SLC30A8: variants seen among roughly 807,000 people sequenced by gnomAD.
SLC30A8 encodes solute carrier family 30 member 8.
Under a neutral mutation model 36.9 loss-of-function variants are expected in SLC30A8, and 27 were observed. That is an observed-to-expected ratio of 0.73 (90% CI 0.54 to 1.01). SLC30A8 has a LOEUF of 1.01. Among genes scored for constraint, SLC30A8 ranks in the 50% least tolerant of loss-of-function variants. The pLI, the probability that SLC30A8 is intolerant of heterozygous loss-of-function variation, is 0.00. For missense variants in SLC30A8, 439 were observed against 452.0 expected, an observed-to-expected ratio of 0.97 and a Z score of 0.26; for synonymous variants, 164 against 172.4, an observed-to-expected ratio of 0.95 and a Z score of 0.38.
intron 1 of SLC30A8, among the ~76,000 whole-genome samples, chr8:116,958,616 A>G (rs1356626828): frequency 6.6e-6 from 1 of 151,702 alleles, no homozygotes; most frequent in Non-Finnish European, 1.5e-5. Flanking sequence ...ACTGGTCTTT[A>G]GCAATTTGAT....
intron 1 of SLC30A8, among the ~76,000 whole-genome samples, chr8:117,030,501 C>T (rs1299677116): frequency 6.6e-6 from 1 of 152,116 alleles, no homozygotes; most frequent in Admixed American, 6.5e-5. Context: ...CTAAGGCATG[C>T]TCAATGTCTG....
upstream of SLC30A8, among the ~76,000 whole-genome samples, chr8:117,131,715 A>AAAAC (rs201343852): frequency 9.2e-3 from 1,401 of 152,110 alleles, 22 homozygotes; most frequent in African/African-American, 0.032. Context: ...AGCAATAGCC[A>AAAAC]AAACATTTTA....
Position 117,157,714 on chromosome 8 carries a change from A to G in SLC30A8, c.442A>G (p.Ile148Val), listed in dbSNP as rs1822568943. The change falls in exon 4 of 8, where the codon ATC becomes GTC. Residue 148 changes from isoleucine (I) to valine (V), a missense_variant. Ile to Val is a conservative substitution (Grantham distance 29). Coordinates refer to ENST00000456015, the MANE Select transcript of SLC30A8 (RefSeq NM_173851.3). ...RAEILGALLS[I>V]LCIWVVTGVL... ...AGAGATCCTTGGTGCCCTGCTCTCC[A>G]TCCTGTGCATCTGGGTGGTGACTGG... is the stretch of plus-strand genomic sequence containing the variant. 6.2e-7 allele frequency: 1 copy of G among 1,613,590 alleles called. No individual in the cohort carries two copies. Among genetic ancestry groups the G allele is most frequent in the Non-Finnish European group, 8.5e-7 (1 of 1,179,870 alleles).
intron 1 of SLC30A8, among the ~76,000 whole-genome samples, chr8:116,975,451 G>C (rs796205300): frequency 1.3e-5 from 2 of 152,016 alleles, no homozygotes; most frequent in African/African-American, 4.8e-5. Flanking sequence ...TAAAATATGT[G>C]GTCTGTCTTA....
At chr8:117,063,876 G>A (rs1505521) in intron 2 of SLC30A8, among the ~76,000 whole-genome samples, 14,961 of 152,170 alleles carry the variant, frequency 0.098, 1,244 homozygotes, top group African/African-American at 0.23. Context: ...GATGAAGTGA[G>A]GGAAGCCCTA....
chr8:116,971,995 A>G (rs920306646), intron 1 of SLC30A8, among the ~76,000 whole-genome samples: 2 of 152,236 alleles, frequency 1.3e-5, no homozygotes, highest in Non-Finnish European at 2.9e-5. Context: ...TTAAACTAGA[A>G]CAATGATAAT....
chr8:116,974,146 A>G (rs1168666090), intron 1 of SLC30A8, among the ~76,000 whole-genome samples: 2 of 152,218 alleles, frequency 1.3e-5, no homozygotes, highest in African/African-American at 4.8e-5. Context: ...CTTCATGACT[A>G]AAACACCAAA....
intron 4 of SLC30A8, among the ~76,000 whole-genome samples, chr8:117,161,198 T>G (rs2129659819): frequency 6.6e-6 from 1 of 152,368 alleles, no homozygotes; most frequent in Non-Finnish European, 1.5e-5. Context: ...AATATTCTCA[T>G]CATTGGACAG....
At chr8:116,992,520 A>G (rs1418328238) in intron 1 of SLC30A8, among the ~76,000 whole-genome samples, 2 of 151,500 alleles carry the variant, frequency 1.3e-5, no homozygotes, top group Admixed American at 6.6e-5. Context: ...GAAAAAAAAA[A>G]GTGCTGTGTT....
At chr8:117,062,214 C>T (rs755235443) in intron 2 of SLC30A8, among the ~76,000 whole-genome samples, 11 of 152,264 alleles carry the variant, frequency 7.2e-5, no homozygotes, top group South Asian at 6.2e-4. Context: ...AGTTAGCAGA[C>T]GGTGTCAAGA....
At chr8:116,991,363 T>C (rs1815636064) in intron 1 of SLC30A8, among the ~76,000 whole-genome samples, 1 of 152,100 alleles carries the variant, frequency 6.6e-6, no homozygotes, top group African/African-American at 2.4e-5. Context: ...TGGAGTGCAA[T>C]GGCATGATCT....
intron 1 of SLC30A8, among the ~76,000 whole-genome samples, chr8:117,023,493 T>G (rs1302157039): frequency 5.3e-5 from 8 of 152,118 alleles, no homozygotes; most frequent in Non-Finnish European, 5.9e-5. Context: ...AGTGATAGAC[T>G]GGATTAAGAA....
intron 2 of SLC30A8, 140 bp from the exon 3 acceptor site, chr8:117,152,804 T>G (rs1586594262): frequency 1.6e-6 from 1 of 614,370 alleles, no homozygotes; most frequent in African/African-American, 1.8e-5. Context: ...GCAGAAGGGG[T>G]GAATTAAATC....
rs1821301357 is a variant in SLC30A8 at position 117,135,179 on chromosome 8, G to C, written c.-149G>C. 1 of 503,300 alleles carries C rather than the reference G, an allele frequency of 2.0e-6. No homozygotes were observed. The allele number at this position is 503,300 out of a possible 1,614,324, so 31.2% of individuals were successfully genotyped here. A position where few individuals can be genotyped will look rare whatever the true frequency, so the allele number is the denominator to read the frequency against. On this transcript the variant is annotated 5_prime_UTR_variant, in exon 1 of 8. Transcript: ENST00000456015. ...TTTTAGCAGACCTACCAACAACACT[G>C]ATGTAGGAAGCTCATTATTTTAATT...
At chr8:117,140,858 C>T (rs552894469) in intron 1 of SLC30A8, among the ~76,000 whole-genome samples, 2 of 152,066 alleles carry the variant, frequency 1.3e-5, no homozygotes, top group East Asian at 3.9e-4. Flanking sequence ...TTATAAAAGA[C>T]AAATGATTTG....
chr8:117,131,301 T>G, upstream of SLC30A8, among the ~76,000 whole-genome samples: 1 of 152,042 alleles, frequency 6.6e-6, no homozygotes, highest in East Asian at 1.9e-4. Flanking sequence ...ATGAAACCTC[T>G]GAAATACTCA....
intron 1 of SLC30A8, among the ~76,000 whole-genome samples, chr8:117,011,369 T>C (rs1816339862): frequency 6.6e-6 from 1 of 152,212 alleles, no homozygotes. Flanking sequence ...GAATGAAACT[T>C]ATCATTTTAG....
At chr8:117,043,961 C>T (rs57126792) in intron 2 of SLC30A8, among the ~76,000 whole-genome samples, 11,474 of 152,138 alleles carry the variant, frequency 0.075, 1,376 homozygotes, top group African/African-American at 0.26. Context: ...GGAGACACTG[C>T]CTTTGAGGAG....
rs369783320 is a variant in SLC30A8 at position 117,163,443 on chromosome 8, G to A, written c.742G>A (p.Asp248Asn). 12 of 1,612,782 alleles carry A rather than the reference G, an allele frequency of 7.4e-6. No homozygotes were observed. The highest frequency in any genetic ancestry group is 1.7e-5 in the Admixed American group (1 of 59,896). Reference protein sequence around the residue: ...IYFKPEYKIADPICTFIFSIL... With the variant: ...IYFKPEYKIANPICTFIFSIL... ...TTTCTAGCCAGAGTATAAAATAGCC[G>A]ACCCAATCTGCACATTCATCTTTTC... The change falls in exon 6 of 8, where the codon GAC becomes AAC. Residue 248 changes from aspartate (D) to asparagine (N), a missense_variant. By Grantham distance (23) the Asp-to-Asn change is conservative. Transcript: ENST00000456015.
Sources: gnomAD v4.1 joint callset for allele counts (sites outside exome capture counted in the v4.1 genomes callset) on GRCh38, gnomAD v4.1.1 for gene constraint, MANE v1.5 for transcripts, NCBI Gene and HGNC (gene_info 2026-07-23, HGNC 2026-07-21) for gene names.